The following NSD3 variants were observed in gnomAD, a reference collection of about 807,000 sequenced individuals.
NSD3 encodes histone-lysine N-methyltransferase NSD3.
A neutral mutation model predicts 160.8 loss-of-function variants in NSD3; 24 were observed. That is an observed-to-expected ratio of 0.15 (90% confidence interval 0.11 to 0.21). NSD3 has a LOEUF of 0.21. NSD3 is among the 10% of genes least tolerant of loss of function. The pLI, the probability that NSD3 is intolerant of heterozygous loss-of-function variation, is 1.00. For missense variants in NSD3, 1,157 were observed against 1,735.9 expected, an observed-to-expected ratio of 0.67 and a Z score of 5.93; for synonymous variants, 520 against 600.0, an observed-to-expected ratio of 0.87 and a Z score of 1.95.
At chr8:38,282,384 GT>G (rs1375292721) in intron 19 of NSD3, among the ~76,000 whole-genome samples, 1 of 152,152 alleles carries the variant, frequency 6.6e-6, no homozygotes, top group Non-Finnish European at 1.5e-5. Context: ...TTTCAAGAAT[GT>G]TTTGGCTGGT....
At chr8:38,343,794 C>T (rs139774088) in intron 2 of NSD3, among the ~76,000 whole-genome samples, 8 of 152,306 alleles carry the variant, frequency 5.3e-5, no homozygotes, top group African/African-American at 1.9e-4. Context: ...GCCTAATACT[C>T]TGAGGCTAGA....
intron 4 of NSD3, among the ~76,000 whole-genome samples, chr8:38,336,663 G>A (rs915516491): frequency 1.3e-5 from 2 of 152,172 alleles, no homozygotes; most frequent in African/African-American, 4.8e-5. Context: ...ACATCTGATC[G>A]CTTGTCCATA....
At chr8:38,322,665 C>T (rs1184712329) in intron 7 of NSD3, among the ~76,000 whole-genome samples, 1 of 152,070 alleles carries the variant, frequency 6.6e-6, no homozygotes, top group East Asian at 1.9e-4. Flanking sequence ...CATTTAAAAC[C>T]ATTGAAGAGT....
intron 1 of NSD3, among the ~76,000 whole-genome samples, chr8:38,379,077 G>C (rs1176155017): frequency 6.6e-6 from 1 of 151,710 alleles, no homozygotes; most frequent in Non-Finnish European, 1.5e-5. Flanking sequence ...TGTAAGAGAC[G>C]GCATTTGTTA....
chr8:38,365,505 C>G (rs1290822051), intron 1 of NSD3, among the ~76,000 whole-genome samples: 2 of 152,190 alleles, frequency 1.3e-5, no homozygotes, highest in African/African-American at 4.8e-5. Context: ...CGGAGTCTCG[C>G]TCTGTCACCC....
intron 1 of NSD3, among the ~76,000 whole-genome samples, chr8:38,380,416 C>G (rs934159477): frequency 1.3e-5 from 2 of 152,214 alleles, no homozygotes; most frequent in African/African-American, 4.8e-5. Flanking sequence ...GATGCAATTT[C>G]CTTGTTTACT....
chr8:38,343,950 A>G (rs917448336), intron 2 of NSD3, among the ~76,000 whole-genome samples: 1 of 152,150 alleles, frequency 6.6e-6, no homozygotes, highest in African/African-American at 2.4e-5. Context: ...TGACTGTTTG[A>G]ATAATAGGGC....
In NSD3 at chr8:38,321,198, CAAAA is replaced by C. The variant is rs748234416; in HGVS notation, c.1709-30_1709-27del. The C allele has an allele frequency of 6.3e-7, 1 of 1,587,664 alleles. No homozygotes were observed. Among genetic ancestry groups the C allele is most frequent in the African/African-American group, 1.3e-5 (1 of 74,264 alleles). On this transcript the variant is annotated intron_variant, in intron 7 of 23. Coordinates refer to ENST00000317025, the MANE Select transcript of NSD3 (RefSeq NM_023034.2). This position sits in a 1 kb window ranked among gnomAD's most constrained non-coding sequence, Gnocchi z 4.7. ...CTAAGAAATGATTTAAACACACAAA[CAAAA>C]ACTCACTTAAGGATACCTTGACATC...
At chr8:38,333,649 T>C (rs1038329355) in intron 4 of NSD3, among the ~76,000 whole-genome samples, 2 of 151,082 alleles carry the variant, frequency 1.3e-5, no homozygotes, top group African/African-American at 4.9e-5. Flanking sequence ...GGGTGGATCA[T>C]GAGGTCAGGA....
chr8:38,365,886 T>C (rs1417891888), intron 1 of NSD3, among the ~76,000 whole-genome samples: 1 of 152,166 alleles, frequency 6.6e-6, no homozygotes, highest in African/African-American at 2.4e-5. Flanking sequence ...TTCTGAGTTA[T>C]GGCTATAGTA....
chr8:38,375,066 T>A (rs778456639), intron 1 of NSD3, among the ~76,000 whole-genome samples: 2 of 152,154 alleles, frequency 1.3e-5, no homozygotes, highest in Non-Finnish European at 2.9e-5. Context: ...CTTCACATTT[T>A]TAAAAAGCCA....
At chr8:38,308,050 TATC>T (rs1809449039) in intron 12 of NSD3, among the ~76,000 whole-genome samples, 1 of 152,238 alleles carries the variant, frequency 6.6e-6, no homozygotes, top group South Asian at 2.1e-4. Context: ...GTCATCTGAA[TATC>T]ATCTTTCGAA....
At chr8:38,298,330 TA>T (rs1809204512) in intron 15 of NSD3, among the ~76,000 whole-genome samples, 1 of 152,182 alleles carries the variant, frequency 6.6e-6, no homozygotes, top group Non-Finnish European at 1.5e-5. Context: ...GTATTATCAA[TA>T]AGGTGATATA....
chr8:38,349,058 G>A (rs2150384393), intron 1 of NSD3, among the ~76,000 whole-genome samples: 1 of 152,228 alleles, frequency 6.6e-6, no homozygotes, highest in African/African-American at 2.4e-5. Flanking sequence ...ACACTTTGAT[G>A]GGTATACTTT....
At chr8:38,379,704 A>G (rs982349468) in intron 1 of NSD3, among the ~76,000 whole-genome samples, 4 of 152,254 alleles carry the variant, frequency 2.6e-5, no homozygotes, top group African/African-American at 9.6e-5. Context: ...CCATTTAGGT[A>G]GGTTAAATGT....
At chr8:38,364,960 CA>C (rs1257085102) in intron 1 of NSD3, among the ~76,000 whole-genome samples, 1 of 152,208 alleles carries the variant, frequency 6.6e-6, no homozygotes, top group Non-Finnish European at 1.5e-5. Flanking sequence ...AAACACTACT[CA>C]AGAACAGGCA....
At chr8:38,337,835 G>A (rs1810261504) in intron 3 of NSD3, among the ~76,000 whole-genome samples, 1 of 152,162 alleles carries the variant, frequency 6.6e-6, no homozygotes, top group African/African-American at 2.4e-5. Flanking sequence ...TATGTATAAA[G>A]TACATTAAAA....
chr8:38,315,329 T>A, intron 11 of NSD3, 87 bp downstream of exon 11: 1 of 1,388,306 alleles, frequency 7.2e-7, no homozygotes, highest in Non-Finnish European at 9.5e-7. Flanking sequence ...TTTGGAAACA[T>A]ATTATCCTCT....
rs74605931 is a variant in NSD3 at position 38,357,991 on chromosome 8, G to C, written c.-44-9776C>G. On this transcript the variant is annotated intron_variant, in intron 1 of 23. Coordinates refer to ENST00000317025, the MANE Select transcript of NSD3 (RefSeq NM_023034.2). ...GACTTAACTTTCATGAAGGTTTAAA[G>C]TTCCAAGAGACTGGAATGAAGTCAA... Among the ~76,000 whole-genome samples, 216 of 152,132 alleles carry C rather than the reference G, an allele frequency of 1.4e-3. 6 individuals are homozygous for C. The East Asian group carries it at 0.04, about 28-fold the overall frequency.
Sources: gnomAD v4.1 joint callset for allele counts (sites outside exome capture counted in the v4.1 genomes callset) on GRCh38, gnomAD v4.1.1 for gene constraint, Gnocchi (gnomAD v3.1) non-coding constraint, MANE v1.5 for transcripts, NCBI Gene and HGNC (gene_info 2026-07-23, HGNC 2026-07-21) for gene names.